Variants in LPP observed in about 807,000 individuals in gnomAD.
LPP encodes the protein LIM domain containing preferred translocation partner in lipoma, also known as lipoma-preferred partner.
LPP carries 38 observed loss-of-function variants against 60.4 expected under a neutral mutation model. That is an observed-to-expected ratio of 0.63 (90% CI 0.49 to 0.83). The LOEUF is 0.83. Ranked by LOEUF, LPP falls within the 40% of genes least tolerant of loss-of-function variation. The pLI is 0.00. For missense variants in LPP, 902 were observed against 783.6 expected, an observed-to-expected ratio of 1.15 and a Z score of -1.80; for synonymous variants, 328 against 290.8, an observed-to-expected ratio of 1.13 and a Z score of -1.30.
intron 9 of LPP, among the ~76,000 whole-genome samples, chr3:188,812,298 C>T (rs1751221603): frequency 6.6e-6 from 1 of 152,126 alleles, no homozygotes; most frequent in Non-Finnish European, 1.5e-5. Flanking sequence ...TTTATTGGTG[C>T]TTGCAGTGCC....
chr3:188,629,165 C>G (rs1847400807), intron 7 of LPP, among the ~76,000 whole-genome samples: 1 of 152,124 alleles, frequency 6.6e-6, no homozygotes, highest in Admixed American at 6.6e-5. Flanking sequence ...ACAGGAAAAG[C>G]TGGAAGCACT....
intron 3 of LPP, among the ~76,000 whole-genome samples, chr3:188,373,069 G>C (rs1361206519): frequency 6.6e-6 from 1 of 152,044 alleles, no homozygotes; most frequent in African/African-American, 2.4e-5. Context: ...GTATTCCATG[G>C]TGTATATGTG....
At chr3:188,787,765 C>T (rs1742414809) in intron 9 of LPP, among the ~76,000 whole-genome samples, 1 of 152,150 alleles carries the variant, frequency 6.6e-6, no homozygotes, top group Admixed American at 6.5e-5. Context: ...TTGAGTTCTG[C>T]CCTAATCTCC....
intron 2 of LPP, among the ~76,000 whole-genome samples, chr3:188,281,428 C>T (rs1281210119): frequency 6.6e-6 from 1 of 151,396 alleles, no homozygotes; most frequent in Non-Finnish European, 1.5e-5. Context: ...ATAGCGAAAC[C>T]CCGTCTCTAC....
chr3:188,466,295 A>G (rs904372087), intron 4 of LPP, among the ~76,000 whole-genome samples: 1 of 152,096 alleles, frequency 6.6e-6, no homozygotes. Context: ...ATGTGCCTGG[A>G]AAGTGCCTAC....
intron 4 of LPP, among the ~76,000 whole-genome samples, chr3:188,438,752 C>T (rs1367252190): frequency 3.9e-5 from 6 of 152,114 alleles, no homozygotes; most frequent in African/African-American, 1.4e-4. Flanking sequence ...GTAAAAACCA[C>T]GTGAAGAGAA....
chr3:188,763,061 A>G (rs547756801), intron 9 of LPP, among the ~76,000 whole-genome samples: 2 of 152,312 alleles, frequency 1.3e-5, no homozygotes, highest in East Asian at 3.9e-4. Context: ...TTGGCTTTGA[A>G]GATAGTTTGC....
chr3:188,768,181 A>G (rs1734744643), intron 9 of LPP, among the ~76,000 whole-genome samples: 1 of 152,164 alleles, frequency 6.6e-6, no homozygotes, highest in African/African-American at 2.4e-5. Flanking sequence ...ACTACTTGCA[A>G]AAGAGCCAGA....
chr3:188,575,291 T>A (rs1391413997), intron 6 of LPP, among the ~76,000 whole-genome samples: 1 of 152,202 alleles, frequency 6.6e-6, no homozygotes, highest in Non-Finnish European at 1.5e-5. Flanking sequence ...TTTGATTTTT[T>A]GTTTTTAGTT....
At chr3:188,669,398 A>C (rs960329886) in intron 7 of LPP, among the ~76,000 whole-genome samples, 3 of 152,056 alleles carry the variant, frequency 2.0e-5, no homozygotes, top group Non-Finnish European at 4.4e-5. Flanking sequence ...AACATGGTGA[A>C]ACCCCGTCTC....
intron 6 of LPP, among the ~76,000 whole-genome samples, chr3:188,591,341 A>G (rs1368066886): frequency 1.3e-5 from 2 of 152,176 alleles, no homozygotes; most frequent in Non-Finnish European, 2.9e-5. Flanking sequence ...CTGTTATTGC[A>G]TTTATCTGCC....
At chr3:188,298,204 T>C (rs1407410475) in intron 2 of LPP, among the ~76,000 whole-genome samples, 2 of 152,186 alleles carry the variant, frequency 1.3e-5, no homozygotes, top group Admixed American at 6.5e-5. Flanking sequence ...ACGATCCTAA[T>C]AGGATCCTCT....
intron 2 of LPP, among the ~76,000 whole-genome samples, chr3:188,262,404 G>A (rs939159316): frequency 5.3e-5 from 8 of 151,772 alleles, no homozygotes; most frequent in African/African-American, 1.9e-4. Flanking sequence ...AAAATGAAAA[G>A]GATTGTACCT....
chr3:188,669,442 G>A (rs772707868), intron 7 of LPP, among the ~76,000 whole-genome samples: 4 of 152,096 alleles, frequency 2.6e-5, no homozygotes, highest in African/African-American at 9.7e-5. Flanking sequence ...TGGGCGTGGT[G>A]GCGGGCACCT....
intron 1 of LPP, among the ~76,000 whole-genome samples, chr3:188,160,226 C>G (rs138693524): frequency 6.6e-6 from 1 of 151,260 alleles, no homozygotes; most frequent in African/African-American, 2.4e-5. Context: ...TGGAGTTTTA[C>G]TCTTGTTGCC....
rs555403820 is a variant in LPP at position 188,377,111 on chromosome 3, T to C, written c.-9-29001T>C. On this transcript the variant is annotated intron_variant, in intron 3 of 11. Transcript: ENST00000617246. ...GATGTGCTTCCCTTTGTGGGTAACC[T>C]GACCTTTCTCTCTGGCTGCCCTTAA... is the stretch of plus-strand genomic sequence containing the variant. 7.0e-4 allele frequency among the ~76,000 whole-genome samples: 106 copies of C among 152,342 alleles called. 1 individual carries two copies. The highest frequency in any genetic ancestry group is 3.4e-3 in the Middle Eastern group (1 of 294).
intron 7 of LPP, among the ~76,000 whole-genome samples, chr3:188,676,463 G>A (rs1370136350): frequency 2.0e-5 from 3 of 146,812 alleles, no homozygotes; most frequent in African/African-American, 5.0e-5. Context: ...CAAAAAACGT[G>A]TATTTTCTAA....
chr3:188,780,865 C>T (rs1739414370), intron 9 of LPP, among the ~76,000 whole-genome samples: 1 of 152,132 alleles, frequency 6.6e-6, no homozygotes, highest in South Asian at 2.1e-4. Context: ...TCCAGTAATC[C>T]CAGTGCTGGG....
chr3:188,439,026 T>C (rs979680641), intron 4 of LPP, among the ~76,000 whole-genome samples: 5 of 152,190 alleles, frequency 3.3e-5, no homozygotes, highest in East Asian at 1.9e-4. Context: ...GAGCAAAATC[T>C]TAGTATAGGA....
Sources: allele counts gnomAD v4.1 joint callset (sites outside exome capture counted in the v4.1 genomes callset), GRCh38; gene constraint gnomAD v4.1.1; transcripts MANE v1.5; gene names NCBI Gene and HGNC (gene_info 2026-07-23, HGNC 2026-07-21).